The following NBEA variants were observed in gnomAD, a reference collection of about 807,000 sequenced individuals.
NBEA encodes lysosomal-trafficking regulator 2.
A neutral mutation model predicts 343.4 loss-of-function variants in NBEA; 44 were observed. The ratio of observed to expected loss-of-function variants is 0.13; its 90% confidence interval spans 0.10 to 0.16. The LOEUF is 0.16. NBEA is among the 10% of genes least tolerant of loss of function. NBEA has a pLI of 1.00. For synonymous variants in NBEA, 1,175 were observed against 1,238.7 expected (o/e 0.95, Z 1.08); for missense variants, 2,555 against 3,631.3 (o/e 0.70, Z 7.62).
chr13:35,289,588 T>C (rs2035666928), intron 34 of NBEA, among the ~76,000 whole-genome samples: 1 of 151,868 alleles, frequency 6.6e-6, no homozygotes, highest in Non-Finnish European at 1.5e-5. Flanking sequence ...CATATAAGAA[T>C]TAATGTTTAA....
At chr13:34,995,469 G>T (rs549155322) in intron 1 of NBEA, among the ~76,000 whole-genome samples, 196 of 151,728 alleles carry the variant, frequency 1.3e-3, no homozygotes, top group African/African-American at 4.7e-3. Context: ...CTTTATCAGA[G>T]GTTGCCTGAG....
At chr13:35,640,361 C>G (rs1455967044) in intron 49 of NBEA, among the ~76,000 whole-genome samples, 2 of 152,176 alleles carry the variant, frequency 1.3e-5, no homozygotes, top group South Asian at 4.1e-4. Flanking sequence ...CCCCTTTGTG[C>G]ACACTTTAGA....
At chr13:35,477,850 C>A (rs923519765) in intron 41 of NBEA, among the ~76,000 whole-genome samples, 10 of 152,120 alleles carry the variant, frequency 6.6e-5, no homozygotes, top group African/African-American at 2.4e-4. Flanking sequence ...TAAATCATTT[C>A]ATTTCTGAAT....
chr13:35,031,097 C>T (rs1456179262), intron 1 of NBEA, among the ~76,000 whole-genome samples: 4 of 151,648 alleles, frequency 2.6e-5, no homozygotes, highest in African/African-American at 7.2e-5. Context: ...CAAGTGTATA[C>T]CCTTTATTCT....
chr13:35,188,266 G>A (rs1001642504), intron 30 of NBEA, among the ~76,000 whole-genome samples: 5 of 146,370 alleles, frequency 3.4e-5, no homozygotes, highest in African/African-American at 1.3e-4. Flanking sequence ...TTTTTTTTGT[G>A]GTAAGAATGT....
At chr13:35,066,632 A>G (rs1192723362) in intron 8 of NBEA, among the ~76,000 whole-genome samples, 1 of 150,724 alleles carries the variant, frequency 6.6e-6, no homozygotes, top group Non-Finnish European at 1.5e-5. Context: ...TGGTTTCTTG[A>G]TTTTTTCCCA....
At chr13:35,555,226 C>G (rs975643414) in intron 44 of NBEA, 124 bp downstream of exon 44, 1 of 522,438 alleles carries the variant, frequency 1.9e-6, no homozygotes, top group South Asian at 3.3e-5. Context: ...AATTTTGAAG[C>G]ACTCACATTA....
chr13:35,161,821 A>G lies in NBEA; in HGVS notation c.3933A>G (p.Pro1311=), dbSNP rs1450713765. The change falls in exon 23 of 59, where the codon CCA becomes CCG. Residue 1311 remains proline, a synonymous_variant. Transcript: ENST00000379939. ...LRVDLGFRGM[P]MTEEQRRQFS... is the part of the protein sequence containing the mutation. Reference sequence around the variant, plus strand: ...TTGATTTAGGATTTCGAGGAATGCCAATGACTGAGGAACAGCGACGCCAGT... The same window carrying G: ...TTGATTTAGGATTTCGAGGAATGCCGATGACTGAGGAACAGCGACGCCAGT... 6.2e-7 allele frequency: 1 copy of G among 1,612,418 alleles called. No homozygotes were observed. Among genetic ancestry groups the G allele is most frequent in the Non-Finnish European group, 8.5e-7 (1 of 1,179,300 alleles).
intron 49 of NBEA, among the ~76,000 whole-genome samples, chr13:35,638,439 G>A (rs146809392): frequency 6.6e-6 from 1 of 152,320 alleles, no homozygotes; most frequent in Non-Finnish European, 1.5e-5. Context: ...GTGGCCTTAG[G>A]TAGAGGAGTA....
At chr13:35,020,414 G>A (rs967032185) in intron 1 of NBEA, among the ~76,000 whole-genome samples, 1 of 152,082 alleles carries the variant, frequency 6.6e-6, no homozygotes, top group African/African-American at 2.4e-5. Flanking sequence ...CTCTTAGCTT[G>A]ATGACTGTTT....
intron 23 of NBEA, among the ~76,000 whole-genome samples, chr13:35,163,683 T>C (rs756261140): frequency 5.9e-5 from 9 of 152,106 alleles, no homozygotes; most frequent in African/African-American, 9.7e-5. Context: ...TTTTGACATC[T>C]ACATTGTATG....
intron 11 of NBEA, among the ~76,000 whole-genome samples, chr13:35,104,379 G>A (rs1593356039): frequency 1.3e-5 from 2 of 151,912 alleles, no homozygotes; most frequent in South Asian, 4.2e-4. Context: ...CTAGAATGTA[G>A]GCTTTATGAA....
intron 33 of NBEA, among the ~76,000 whole-genome samples, chr13:35,226,512 AT>A (rs1026384158): frequency 1.3e-5 from 2 of 152,020 alleles, no homozygotes; most frequent in Admixed American, 1.3e-4. Flanking sequence ...TATTATTACA[AT>A]TTTCCTGTCA....
rs1448386388 is a variant in NBEA, at chr13:35,099,513, C to T, written c.1680+1108C>T. On this transcript the variant is annotated intron_variant, in intron 11 of 58. Coordinates refer to ENST00000379939, the MANE Select transcript of NBEA (RefSeq NM_001385012.1). ...CCGCGCCTGGCCTTAGACTGTATCT[C>T]GAAAGTCTTTTTTATTAAGATAAAA... is the stretch of plus-strand genomic sequence containing the variant. Among the ~76,000 whole-genome samples, 3 of 152,034 alleles carry T rather than the reference C, an allele frequency of 2.0e-5. No homozygotes were observed. In the East Asian group the frequency reaches 5.8e-4, roughly 29 times the overall value.
At chr13:35,315,606 A>C (rs1186146565) in intron 36 of NBEA, among the ~76,000 whole-genome samples, 1 of 152,170 alleles carries the variant, frequency 6.6e-6, no homozygotes, top group Non-Finnish European at 1.5e-5. Flanking sequence ...AAAAGAATAT[A>C]GAATTTAATT....
chr13:35,519,531 T>A (rs1225098012), intron 41 of NBEA, among the ~76,000 whole-genome samples: 1 of 152,196 alleles, frequency 6.6e-6, no homozygotes, highest in Admixed American at 6.5e-5. Context: ...GAAATATTAG[T>A]TTCATTTATT....
intron 34 of NBEA, among the ~76,000 whole-genome samples, chr13:35,285,987 T>C (rs1405289570): frequency 6.6e-6 from 1 of 152,108 alleles, no homozygotes; most frequent in Non-Finnish European, 1.5e-5. Context: ...GGAATGACCT[T>C]CCTTTCTTTC....
chr13:35,403,586 C>A lies in NBEA; in HGVS notation c.6180-28683C>A, dbSNP rs566027304. 1.1e-4 allele frequency among the ~76,000 whole-genome samples: 16 copies of A among 152,110 alleles called. No individual in the cohort carries two copies. In the East Asian group the frequency reaches 2.7e-3, roughly 26 times the overall value. Reference sequence around the variant, plus strand: ...GCTGAAACTGGATCCCTTCCTTACACCTTATACAAAAATTAATTCAAGATG... The same window carrying A: ...GCTGAAACTGGATCCCTTCCTTACAACTTATACAAAAATTAATTCAAGATG... On this transcript the variant is annotated intron_variant, in intron 38 of 58. Coordinates refer to ENST00000379939, the MANE Select transcript of NBEA (RefSeq NM_001385012.1).
intron 39 of NBEA, among the ~76,000 whole-genome samples, chr13:35,441,543 A>G (rs915445807): frequency 6.6e-6 from 1 of 152,036 alleles, no homozygotes. Flanking sequence ...TGCCACCTTA[A>G]TTCTTTGACT....
Sources: allele counts gnomAD v4.1 joint callset (sites outside exome capture counted in the v4.1 genomes callset), GRCh38; gene constraint gnomAD v4.1.1; transcripts MANE v1.5; gene names NCBI Gene and HGNC (gene_info 2026-07-23, HGNC 2026-07-21).